The following BTNL9 variants were observed in gnomAD, a reference collection of about 807,000 sequenced individuals.
The protein encoded by BTNL9 is butyrophilin-like protein 9.
In BTNL9, 45 loss-of-function variants were observed where a neutral mutation model predicts 45.8. The observed-to-expected ratio is 0.98, with a 90% CI of 0.77 to 1.26. BTNL9 has a LOEUF of 1.26. Among genes scored for constraint, BTNL9 ranks in the 50% most tolerant of loss-of-function variants. The pLI, the probability that BTNL9 is intolerant of heterozygous loss-of-function variation, is 0.00. For missense variants in BTNL9, 784 were observed against 729.7 expected (o/e 1.07, Z -0.86); for synonymous variants, 346 against 330.8 (o/e 1.05, Z -0.50).
Position 181,060,172 on chromosome 5 carries a change from A to G in BTNL9, c.*310A>G. ...GAAGCCAGCATGGAAGAAAGAAGGG[A>G]GAAAACTTTGGTGACTGCCTTAGAG... is the stretch of plus-strand genomic sequence containing the variant. On this transcript the variant is annotated 3_prime_UTR_variant, in exon 11 of 11. Transcript: ENST00000327705. 1 of 405,392 alleles carries G rather than the reference A, an allele frequency of 2.5e-6. No individual in the cohort carries two copies. The highest frequency in any genetic ancestry group is 4.4e-6 in the Non-Finnish European group (1 of 229,184). 25.1% of individuals were successfully genotyped at this position (405,392 alleles called of 1,614,324 possible). A position where few individuals can be genotyped will look rare whatever the true frequency, so the allele number is the denominator to read the frequency against.
chr5:181,053,419 G>C lies in BTNL9; in HGVS notation c.854-50G>C. The stretch of plus-strand genomic sequence containing the variant: ...GGACGCGGCGCGGGAAGGCGGCCTG[G>C]AAGGGGCGGGGGCGCGCACTCAGCC... On this transcript the variant is annotated intron_variant, in intron 5 of 10. Coordinates refer to ENST00000327705, the MANE Select transcript of BTNL9 (RefSeq NM_152547.5). This position sits in a 1 kb window ranked among gnomAD's most constrained non-coding sequence, Gnocchi z 6.5. 2 of 1,546,234 alleles carry C rather than the reference G, an allele frequency of 1.3e-6. No individual in the cohort carries two copies. The highest frequency in any genetic ancestry group is 1.7e-6 in the Non-Finnish European group (2 of 1,145,582).
In BTNL9 at chr5:181,053,569, G is replaced by C. The variant is rs1022843170; in HGVS notation, c.886+68G>C. 5.2e-6 allele frequency: 8 copies of C among 1,552,010 alleles called. No homozygotes were observed. The highest frequency in any genetic ancestry group is 7.0e-6 in the Non-Finnish European group (8 of 1,147,640). On this transcript the variant is annotated intron_variant, in intron 6 of 10. Coordinates refer to ENST00000327705, the MANE Select transcript of BTNL9 (RefSeq NM_152547.5). This position sits in a 1 kb window ranked among gnomAD's most constrained non-coding sequence, Gnocchi z 6.5. Reference sequence around the variant, plus strand: ...CAAAACCCGCCGTCATCTAAAGGCTGTGGGTCCCGTTACGAGGGTTTATTC... The same window carrying C: ...CAAAACCCGCCGTCATCTAAAGGCTCTGGGTCCCGTTACGAGGGTTTATTC...
chr5:181,050,933 A>G lies in BTNL9; in HGVS notation c.736+564A>G, dbSNP rs1561981064. Among the ~76,000 whole-genome samples the G allele has an allele frequency of 6.6e-6, 1 of 151,988 alleles. No homozygotes were observed. Among genetic ancestry groups the G allele is most frequent in the Admixed American group, 6.6e-5 (1 of 15,260 alleles). Reference sequence around the variant, plus strand: ...GAATCCCCATCTCTACTAAAATTACAAAAATTAGCCCGGCATAGTGGCAGG... The same window carrying G: ...GAATCCCCATCTCTACTAAAATTACGAAAATTAGCCCGGCATAGTGGCAGG... On this transcript the variant is annotated intron_variant, in intron 4 of 10. Coordinates refer to ENST00000327705, the MANE Select transcript of BTNL9 (RefSeq NM_152547.5). The surrounding 1 kb of genome is among the most constrained non-coding windows in gnomAD (Gnocchi z 4.9).
rs191544103 is a variant in BTNL9, at chr5:181,061,493, G to A, written c.*1631G>A. ...TCAATAATGTATATGTATCAGTTCT[G>A]TAATAAAGGGGAAAACACTTTTTTT... On this transcript the variant is annotated 3_prime_UTR_variant, in exon 11 of 11. Transcript: ENST00000327705. The A allele has an allele frequency of 1.3e-3, 200 of 152,276 alleles. 1 individual carries two copies. Among genetic ancestry groups the A allele is most frequent in the African/African-American group, 4.4e-3 (182 of 41,558 alleles). The allele number at this position is 152,276 out of a possible 1,614,324, so 9.4% of individuals were successfully genotyped here. A position where few individuals can be genotyped will look rare whatever the true frequency, so the allele number is the denominator to read the frequency against.
In BTNL9 at chr5:181,059,392, T is replaced by G. The variant is rs557374700; in HGVS notation, c.1138T>G (p.Ser380Ala). The change falls in exon 11 of 11, where the codon TCC (serine) becomes GCC (alanine). Residue 380 changes from serine (S) to alanine (A), a missense_variant. By Grantham distance (99) the Ser-to-Ala change is moderately conservative. Transcript: ENST00000327705. ...GTGCGCGCTGAGCCTGGAGCGGTTC[T>G]CCGCCGGCCGCCACTACTGGGAGGT... ...QTCALSLERF[S>A]AGRHYWEVHV... is the part of the protein sequence containing the mutation. 1.3e-6 allele frequency: 2 copies of G among 1,523,816 alleles called. No homozygotes were observed. The highest frequency in any genetic ancestry group is 5.2e-5 in the East Asian group (2 of 38,436). 94.4% of individuals were successfully genotyped at this position (1,523,816 alleles called of 1,614,324 possible). A position where few individuals can be genotyped will look rare whatever the true frequency, so the allele number is the denominator to read the frequency against.
intron 10 of BTNL9, among the ~76,000 whole-genome samples, chr5:181,058,756 A>C (rs1219882865): frequency 2.0e-5 from 3 of 151,862 alleles, no homozygotes; most frequent in Non-Finnish European, 4.4e-5. Context: ...GCACTGGACT[A>C]GATGATCTCA....
At position 181,042,399 on chromosome 5, in the gene BTNL9, A is replaced by G. The variant is rs1760822373; in HGVS notation, c.-24+1967A>G. Reference sequence around the variant, plus strand: ...CCTCACCAGGAACAACCTGAAATCAATTTACACTGTAATCAAAATAGCAGA... The same window carrying G: ...CCTCACCAGGAACAACCTGAAATCAGTTTACACTGTAATCAAAATAGCAGA... On this transcript the variant is annotated intron_variant, in intron 1 of 10. Coordinates refer to ENST00000327705, the MANE Select transcript of BTNL9 (RefSeq NM_152547.5). The surrounding 1 kb of genome is among the most constrained non-coding windows in gnomAD (Gnocchi z 4.5). 6.6e-6 allele frequency among the ~76,000 whole-genome samples: 1 copy of G among 152,200 alleles called. No individual in the cohort carries two copies. The highest frequency in any genetic ancestry group is 6.5e-5 in the Admixed American group (1 of 15,278).
Position 181,061,510 on chromosome 5 carries a change from A to C in BTNL9, c.*1648A>C, listed in dbSNP as rs574623375. ...TCAGTTCTGTAATAAAGGGGAAAACACTTTTTTTAAATACTCATATTCAAA... is the reference window on the plus strand; with the variant it reads ...TCAGTTCTGTAATAAAGGGGAAAACCCTTTTTTTAAATACTCATATTCAAA... On this transcript the variant is annotated 3_prime_UTR_variant, in exon 11 of 11. Transcript: ENST00000327705. 6.6e-6 allele frequency: 1 copy of C among 152,318 alleles called. No individual in the cohort carries two copies. Among genetic ancestry groups the C allele is most frequent in the Non-Finnish European group, 1.5e-5 (1 of 68,026 alleles). 9.4% of individuals were successfully genotyped at this position (152,318 alleles called of 1,614,324 possible). A position where few individuals can be genotyped will look rare whatever the true frequency, so the allele number is the denominator to read the frequency against.
Position 181,055,787 on chromosome 5 carries a change from T to G in BTNL9, c.929-202T>G. The G allele has an allele frequency of 1.4e-6, 1 of 732,844 alleles. No homozygotes were observed. The allele number at this position is 732,844 out of a possible 1,614,324, so 45.4% of individuals were successfully genotyped here. On this transcript the variant is annotated intron_variant, in intron 8 of 10. Transcript: ENST00000327705. This position sits in a 1 kb window ranked among gnomAD's most constrained non-coding sequence, Gnocchi z 4.4. ...CTGTCTCAAAAAAAAAAAGAACTATTTCTCCTCATTCATCATTTTGCATCT... is the reference window on the plus strand; with the variant it reads ...CTGTCTCAAAAAAAAAAAGAACTATGTCTCCTCATTCATCATTTTGCATCT...
In BTNL9 at chr5:181,042,318, T is replaced by A. The variant is rs114213487; in HGVS notation, c.-24+1886T>A. ...GGTCCTTGCGCACACTGGGTTTTCCTTCTTCCCCAAATATCCGACGCGTCC... is the reference window on the plus strand; with the variant it reads ...GGTCCTTGCGCACACTGGGTTTTCCATCTTCCCCAAATATCCGACGCGTCC... On this transcript the variant is annotated intron_variant, in intron 1 of 10. Coordinates refer to ENST00000327705, the MANE Select transcript of BTNL9 (RefSeq NM_152547.5). This position sits in a 1 kb window ranked among gnomAD's most constrained non-coding sequence, Gnocchi z 4.5. Among the ~76,000 whole-genome samples the A allele has an allele frequency of 0.015, 2,232 of 152,280 alleles. 56 individuals are homozygous for A. Among genetic ancestry groups the A allele is most frequent in the African/African-American group, 0.051 (2,112 of 41,532 alleles).
At chr5:181,056,125 C>A in intron 9 of BTNL9, 110 bp downstream of exon 9, 1 of 1,239,248 alleles carries the variant, frequency 8.1e-7, no homozygotes, top group Non-Finnish European at 1.2e-6. Flanking sequence ...TCCGTGGCCT[C>A]ACACAGCATG....
At chr5:181,049,687 T>G (rs368448482) in intron 3 of BTNL9, among the ~76,000 whole-genome samples, 15 of 152,302 alleles carry the variant, frequency 9.8e-5, no homozygotes, top group African/African-American at 2.9e-4. Flanking sequence ...GATGGAGAGA[T>G]AAGGGAGTGT....
At position 181,050,005 on chromosome 5, in the gene BTNL9, G is replaced by T. The variant is rs1217000042; in HGVS notation, c.455-83G>T. The T allele has an allele frequency of 1.3e-6, 2 of 1,504,902 alleles. No homozygotes were observed. Among genetic ancestry groups the T allele is most frequent in the South Asian group, 1.3e-5 (1 of 78,144 alleles). The allele number at this position is 1,504,902 out of a possible 1,614,324, so 93.2% of individuals were successfully genotyped here. On this transcript the variant is annotated intron_variant, in intron 3 of 10. Coordinates refer to ENST00000327705, the MANE Select transcript of BTNL9 (RefSeq NM_152547.5). The surrounding 1 kb of genome is among the most constrained non-coding windows in gnomAD (Gnocchi z 4.9). ...CACTTCATGATGCTTTATGGTGACT[G>T]CAAATGCTGAACAGTGGCAGGAATG...
rs1057051524 is a variant in BTNL9 at position 181,050,576 on chromosome 5, C to T, written c.736+207C>T. The stretch of plus-strand genomic sequence containing the variant: ...CCCAAACAGTCAGTGAGAGAGGCCC[C>T]AGAGAGCCCGCCTTTCTGTGCCTAA... On this transcript the variant is annotated intron_variant, in intron 4 of 10. Transcript: ENST00000327705. This position sits in a 1 kb window ranked among gnomAD's most constrained non-coding sequence, Gnocchi z 4.9. Among the ~76,000 whole-genome samples the T allele has an allele frequency of 6.6e-6, 1 of 152,184 alleles. No homozygotes were observed. Among genetic ancestry groups the T allele is most frequent in the African/African-American group, 2.4e-5 (1 of 41,438 alleles).
At position 181,055,849 on chromosome 5, in the gene BTNL9, G is replaced by T; in HGVS notation, c.929-140G>T. The T allele has an allele frequency of 1.1e-6, 1 of 922,452 alleles. No individual in the cohort carries two copies. The highest frequency in any genetic ancestry group is 1.8e-6 in the Non-Finnish European group (1 of 549,550). 57.1% of individuals were successfully genotyped at this position (922,452 alleles called of 1,614,324 possible). On this transcript the variant is annotated intron_variant, in intron 8 of 10. Coordinates refer to ENST00000327705, the MANE Select transcript of BTNL9 (RefSeq NM_152547.5). This position sits in a 1 kb window ranked among gnomAD's most constrained non-coding sequence, Gnocchi z 4.4. ...TATCTTCTTCTCATCTCCCAACCAG[G>T]TATGATGCCCAGGCAGGACCCCTGC...
At chr5:181,058,236 G>T in intron 9 of BTNL9, 116 bp from the exon 10 acceptor site, 1 of 1,210,770 alleles carries the variant, frequency 8.3e-7, no homozygotes, top group Non-Finnish European at 1.2e-6. Context: ...TTGTCACAGT[G>T]GGAATGGGGT....
In BTNL9 at chr5:181,058,375, G is replaced by A. The variant is rs144908158; in HGVS notation, c.979G>A (p.Ala327Thr). 19 of 1,614,128 alleles carry A rather than the reference G, an allele frequency of 1.2e-5. No homozygotes were observed. The African/African-American group carries it at 2.1e-4, about 18-fold the overall frequency. The change falls in exon 10 of 11, where the codon GCA becomes ACA. Residue 327 changes from alanine (A) to threonine (T), a missense_variant. Physicochemically the swap from Ala to Thr is moderately conservative, Grantham distance 58. Coordinates refer to ENST00000327705, the MANE Select transcript of BTNL9 (RefSeq NM_152547.5). Reference sequence around the variant, plus strand: ...AGAGTGGAGAGCAGCCCAAAAATATGCAGGTAACTGAAGCCAGGAAACTGA... The same window carrying A: ...AGAGTGGAGAGCAGCCCAAAAATATACAGGTAACTGAAGCCAGGAAACTGA... Reference protein sequence around the residue: ...QAEWRAAQKYAVDVTLDPASA... With the variant: ...QAEWRAAQKYTVDVTLDPASA...
At position 181,042,404 on chromosome 5, in the gene BTNL9, C is replaced by T. The variant is rs528107362; in HGVS notation, c.-24+1972C>T. 6.6e-5 allele frequency among the ~76,000 whole-genome samples: 10 copies of T among 152,336 alleles called. No homozygotes were observed. Among genetic ancestry groups the T allele is most frequent in the African/African-American group, 1.2e-4 (5 of 41,572 alleles). On this transcript the variant is annotated intron_variant, in intron 1 of 10. Transcript: ENST00000327705. This position sits in a 1 kb window ranked among gnomAD's most constrained non-coding sequence, Gnocchi z 4.5. ...CCAGGAACAACCTGAAATCAATTTA[C>T]ACTGTAATCAAAATAGCAGAGGGTG...
chr5:181,051,122 T>C (rs192807217), intron 4 of BTNL9, among the ~76,000 whole-genome samples: 32 of 144,320 alleles, frequency 2.2e-4, no homozygotes, highest in African/African-American at 7.7e-4. Context: ...AGGTGGTAGG[T>C]GCCGTAGAGA....
Sources: gnomAD v4.1 joint callset for allele counts (sites outside exome capture counted in the v4.1 genomes callset) on GRCh38, gnomAD v4.1.1 for gene constraint, Gnocchi (gnomAD v3.1) non-coding constraint, MANE v1.5 for transcripts, NCBI Gene and HGNC (gene_info 2026-07-23, HGNC 2026-07-21) for gene names.